The following RIMKLB variants were observed in gnomAD, a reference collection of about 807,000 sequenced individuals.
The protein encoded by RIMKLB is ribosomal modification protein rimK like family member B.
Under a neutral mutation model 32.0 loss-of-function variants are expected in RIMKLB, and 7 were observed. The ratio of observed to expected loss-of-function variants is 0.22; its 90% CI spans 0.12 to 0.41. The LOEUF (loss-of-function observed/expected upper bound fraction) is 0.41, where lower values mean the gene tolerates loss of function less well. RIMKLB is among the 10% of genes least tolerant of loss of function. The pLI, the probability that RIMKLB is intolerant of heterozygous loss-of-function variation, is 1.00. For synonymous variants in RIMKLB, 172 were observed against 185.1 expected (o/e 0.93, Z 0.57); for missense variants, 289 against 498.7 (o/e 0.58, Z 4.00).
At chr12:8,739,835 A>G (rs753966581) in intron 2 of RIMKLB, among the ~76,000 whole-genome samples, 3 of 152,152 alleles carry the variant, frequency 2.0e-5, no homozygotes, top group Non-Finnish European at 4.4e-5. Flanking sequence ...TTGTGTCATC[A>G]CATTGAGGGT....
At chr12:8,727,513 A>G (rs1946139780) in intron 2 of RIMKLB, among the ~76,000 whole-genome samples, 1 of 152,228 alleles carries the variant, frequency 6.6e-6, no homozygotes, top group Admixed American at 6.5e-5. Flanking sequence ...CTGGGATTAC[A>G]GGCATGAGCC....
rs1403073463 is a variant in RIMKLB, at chr12:8,774,131, A to T, written c.*347A>T. 31 of 1,022,998 alleles carry T rather than the reference A, an allele frequency of 3.0e-5. No individual in the cohort carries two copies. The highest frequency in any genetic ancestry group is 3.4e-5 in the Non-Finnish European group (29 of 853,202). The allele number at this position is 1,022,998 out of a possible 1,614,324, so 63.4% of individuals were successfully genotyped here. On this transcript the variant is annotated 3_prime_UTR_variant, in exon 6 of 6. Transcript: ENST00000535829. ...TGCTTTTGTTTTTGTACAAAAAAAA[A>T]TGGTTTTGCTACAAATATCCAAGTA...
At chr12:8,713,014 A>G (rs1359937928) in intron 1 of RIMKLB, among the ~76,000 whole-genome samples, 2 of 152,294 alleles carry the variant, frequency 1.3e-5, no homozygotes, top group East Asian at 3.9e-4. Flanking sequence ...ATTGTTCATG[A>G]TACAAACTCA....
intron 5 of RIMKLB, among the ~76,000 whole-genome samples, chr12:8,764,804 A>G (rs963428915): frequency 2.6e-5 from 4 of 151,860 alleles, no homozygotes; most frequent in Non-Finnish European, 5.9e-5. Flanking sequence ...GCTTATTTCT[A>G]TTTGGACAAT....
intron 2 of RIMKLB, among the ~76,000 whole-genome samples, chr12:8,745,993 C>A (rs771229212): frequency 5.3e-5 from 8 of 151,872 alleles, no homozygotes; most frequent in Non-Finnish European, 1.2e-4. Flanking sequence ...CTGAGCCTGA[C>A]CCCATAAATT....
chr12:8,672,262 C>A, the RIMKLB span, among the ~76,000 whole-genome samples: 1 of 152,190 alleles, frequency 6.6e-6, no homozygotes, highest in Non-Finnish European at 1.5e-5. Flanking sequence ...TTCTTCTGAA[C>A]CCTTCAAACT....
chr12:8,730,120 C>CT (rs1457923866), intron 2 of RIMKLB, among the ~76,000 whole-genome samples: 3 of 152,174 alleles, frequency 2.0e-5, no homozygotes, highest in Non-Finnish European at 2.9e-5. Flanking sequence ...GTTTCTCACT[C>CT]TGTCACCCAG....
rs1477534763 is a variant in RIMKLB, at chr12:8,776,235, CACT to C, written c.*2453_*2455del. The stretch of plus-strand genomic sequence containing the variant: ...GTGAAATTAGTTCATTAGCTTTATT[CACT>C]ATTATGCATTCACATGATATTAAAA... On this transcript the variant is annotated 3_prime_UTR_variant, in exon 6 of 6. Transcript: ENST00000535829. The C allele has an allele frequency of 1.0e-6, 1 of 978,202 alleles. No individual in the cohort carries two copies. Among genetic ancestry groups the C allele is most frequent in the Non-Finnish European group, 1.2e-6 (1 of 823,606 alleles). The allele number at this position is 978,202 out of a possible 1,614,324, so 60.6% of individuals were successfully genotyped here.
At chr12:8,683,138 C>G (rs1008412253) in intron 1 of RIMKLB, among the ~76,000 whole-genome samples, 12 of 152,254 alleles carry the variant, frequency 7.9e-5, no homozygotes, top group South Asian at 6.2e-4. Flanking sequence ...GAATATACCA[C>G]AGTTTATTTA....
intron 2 of RIMKLB, among the ~76,000 whole-genome samples, chr12:8,724,324 G>C (rs1288784485): frequency 6.6e-6 from 1 of 151,874 alleles, no homozygotes; most frequent in Non-Finnish European, 1.5e-5. Flanking sequence ...TCCTGATCTT[G>C]TTTATCTGTA....
At position 8,719,125 on chromosome 12, in the gene RIMKLB, C is replaced by T. The variant is rs777214204; in HGVS notation, c.175+5084C>T. On this transcript the variant is annotated intron_variant, in intron 2 of 5. Coordinates refer to ENST00000535829, the MANE Select transcript of RIMKLB (RefSeq NM_001297776.2). ...CCTCTGACTGTCTCCACAGTTTTGC[C>T]TTTTCTAGAATGTTATAGTTGGCAC... Among the ~76,000 whole-genome samples the T allele has an allele frequency of 2.0e-5, 3 of 152,176 alleles. No individual in the cohort carries two copies. In the South Asian group the frequency reaches 6.2e-4, roughly 32 times the overall value.
intron 2 of RIMKLB, among the ~76,000 whole-genome samples, chr12:8,721,419 A>G (rs761682666): frequency 3.3e-5 from 5 of 152,318 alleles, no homozygotes; most frequent in South Asian, 2.1e-4. Flanking sequence ...CAATTTATGT[A>G]ATATTCTAAA....
rs1326736120 is a variant in RIMKLB, at chr12:8,713,807, C to G, written c.-56-4C>G. 6.5e-7 allele frequency: 1 copy of G among 1,539,858 alleles called. No individual in the cohort carries two copies. The highest frequency in any genetic ancestry group is 1.1e-5 in the South Asian group (1 of 89,236). ...CTTTTATGTATATTTTTTCTTCCATCTAGGTAGACGTTACATCCAAGAGGA... is the reference window on the plus strand; with the variant it reads ...CTTTTATGTATATTTTTTCTTCCATGTAGGTAGACGTTACATCCAAGAGGA... On this transcript the variant is annotated splice_region_variant and splice_polypyrimidine_tract_variant and intron_variant, in intron 1 of 5. Transcript: ENST00000535829.
chr12:8,736,113 C>T (rs1293262115), intron 2 of RIMKLB, among the ~76,000 whole-genome samples: 1 of 152,188 alleles, frequency 6.6e-6, no homozygotes, highest in African/African-American at 2.4e-5. Flanking sequence ...ATTTCTTCCT[C>T]ACATGGTAGT....
chr12:8,729,738 T>A (rs1946371578), intron 2 of RIMKLB, among the ~76,000 whole-genome samples: 1 of 152,110 alleles, frequency 6.6e-6, no homozygotes, highest in Non-Finnish European at 1.5e-5. Flanking sequence ...AGTACTAGAA[T>A]TACAGGCATG....
intron 2 of RIMKLB, among the ~76,000 whole-genome samples, chr12:8,739,480 G>T (rs1947302805): frequency 6.6e-6 from 1 of 152,086 alleles, no homozygotes; most frequent in Non-Finnish European, 1.5e-5. Flanking sequence ...ACCATGCAGG[G>T]CCATCTCTTT....
chr12:8,674,549 C>T, the RIMKLB span, among the ~76,000 whole-genome samples: 2,552 of 150,548 alleles, frequency 0.017, 34 homozygotes, highest in Middle Eastern at 0.066. Context: ...CTTTTTTTTT[C>T]CTTTTTTATG....
Position 8,775,638 on chromosome 12 carries a change from T to G in RIMKLB, c.*1854T>G, listed in dbSNP as rs1041805182. 2 of 985,706 alleles carry G rather than the reference T, an allele frequency of 2.0e-6. No homozygotes were observed. The highest frequency in any genetic ancestry group is 1.2e-4 in the Admixed American group (2 of 16,258). The allele number at this position is 985,706 out of a possible 1,614,324, so 61.1% of individuals were successfully genotyped here. ...ACCAGCTATAACAGAGGTTTGATCA[T>G]GCTTACTTGTACAGTTTTTCCCCCG... On this transcript the variant is annotated 3_prime_UTR_variant, in exon 6 of 6. Coordinates refer to ENST00000535829, the MANE Select transcript of RIMKLB (RefSeq NM_001297776.2).
At chr12:8,696,880 C>G (rs1251497233), upstream of RIMKLB, among the ~76,000 whole-genome samples, 1 of 152,188 alleles carries the variant, frequency 6.6e-6, no homozygotes, top group Non-Finnish European at 1.5e-5. Flanking sequence ...AGCACATTAC[C>G]GTACCTCACA....
Sources: gnomAD v4.1 joint callset for allele counts (sites outside exome capture counted in the v4.1 genomes callset) on GRCh38, gnomAD v4.1.1 for gene constraint, MANE v1.5 for transcripts, NCBI Gene and HGNC (gene_info 2026-07-23, HGNC 2026-07-21) for gene names.